Variants in NALCN observed in about 807,000 individuals in gnomAD.
NALCN encodes sodium leak channel, non-selective, also known as sodium leak channel NALCN.
NALCN carries 111 observed loss-of-function variants against 225.3 expected under a neutral mutation model. The observed-to-expected ratio is 0.49, with a 90% confidence interval of 0.42 to 0.58. NALCN has a LOEUF of 0.58. Ranked by LOEUF, NALCN falls within the 20% of genes least tolerant of loss-of-function variation. NALCN has a pLI of 0.00. For synonymous variants in NALCN, 764 were observed against 769.0 expected, an observed-to-expected ratio of 0.99 and a Z score of 0.11; for missense variants, 1,378 against 2,202.4, an observed-to-expected ratio of 0.63 and a Z score of 7.49.
chr13:101,184,851 T>C (rs2139978134), intron 14 of NALCN, among the ~76,000 whole-genome samples: 1 of 152,268 alleles, frequency 6.6e-6, no homozygotes, highest in East Asian at 1.9e-4. Context: ...CCTATATAGC[T>C]TTCCCTTTTC....
intron 18 of NALCN, among the ~76,000 whole-genome samples, chr13:101,113,170 A>G (rs547740978): frequency 6.6e-6 from 1 of 152,230 alleles, no homozygotes. Context: ...TCTAACGAGA[A>G]CATTCTGAAA....
At chr13:101,259,030 T>C (rs1463178495) in intron 10 of NALCN, among the ~76,000 whole-genome samples, 1 of 152,210 alleles carries the variant, frequency 6.6e-6, no homozygotes, top group Admixed American at 6.5e-5. Context: ...CTGAGATTTA[T>C]TTTTTACTTA....
chr13:101,307,407 G>A (rs1018765640), intron 7 of NALCN, among the ~76,000 whole-genome samples: 1 of 152,146 alleles, frequency 6.6e-6, no homozygotes, highest in Non-Finnish European at 1.5e-5. Flanking sequence ...CTGGCAAGTC[G>A]TTCTTATCAC....
intron 15 of NALCN, among the ~76,000 whole-genome samples, chr13:101,173,224 C>T (rs79402280): frequency 0.023 from 3,518 of 152,324 alleles, 56 homozygotes; most frequent in Non-Finnish European, 0.033. Context: ...GTCCTTCATT[C>T]TAACAGTTAC....
intron 30 of NALCN, among the ~76,000 whole-genome samples, chr13:101,088,320 T>C (rs1011250412): frequency 6.6e-6 from 1 of 152,144 alleles, no homozygotes; most frequent in Non-Finnish European, 1.5e-5. Flanking sequence ...TACAGTCCCA[T>C]GTGTAGCAAC....
rs959010968 is a variant in NALCN at position 101,131,345 on chromosome 13, G to T, written c.2119-6664C>A. The stretch of plus-strand genomic sequence containing the variant: ...CTGTTTTTTTCTTATAATAACGTTT[G>T]CAGGGAATTTGGCTTTGATAATTTT... On this transcript the variant is annotated intron_variant, in intron 17 of 43. Coordinates refer to ENST00000251127, the MANE Select transcript of NALCN (RefSeq NM_052867.4). 1.5e-4 allele frequency among the ~76,000 whole-genome samples: 23 copies of T among 152,172 alleles called. 1 individual carries two copies. The highest frequency in any genetic ancestry group is 5.3e-4 in the African/African-American group (22 of 41,526).
chr13:101,114,081 G>T (rs2035580518), intron 18 of NALCN, among the ~76,000 whole-genome samples: 1 of 152,180 alleles, frequency 6.6e-6, no homozygotes, highest in African/African-American at 2.4e-5. Context: ...CAGTGCAGCT[G>T]CTGATGGAAA....
At chr13:101,153,796 A>T (rs2037770861) in intron 15 of NALCN, among the ~76,000 whole-genome samples, 1 of 152,204 alleles carries the variant, frequency 6.6e-6, no homozygotes, top group Non-Finnish European at 1.5e-5. Context: ...CTTTTAGAAC[A>T]TCTAGAAAAG....
At chr13:101,261,068 T>A (rs543137965) in intron 10 of NALCN, among the ~76,000 whole-genome samples, 9 of 152,228 alleles carry the variant, frequency 5.9e-5, no homozygotes, top group African/African-American at 2.2e-4. Context: ...GAGATAGGGG[T>A]TAGTTTCATT....
At chr13:101,322,032 A>G (rs1038341165) in intron 7 of NALCN, among the ~76,000 whole-genome samples, 7 of 152,224 alleles carry the variant, frequency 4.6e-5, no homozygotes, top group African/African-American at 1.7e-4. Flanking sequence ...AAACATGGAA[A>G]AAATAAAATA....
At position 101,258,430 on chromosome 13, in the gene NALCN, G is replaced by A. The variant is rs1216954756; in HGVS notation, c.1266+13C>T. ...TCCTTGCCCAGCGATCTGCACGGTG[G>A]AGAGCTGCTTACCTCCGCCAGGTAG... On this transcript the variant is annotated intron_variant, in intron 11 of 43. Coordinates refer to ENST00000251127, the MANE Select transcript of NALCN (RefSeq NM_052867.4). 1.9e-6 allele frequency: 3 copies of A among 1,613,982 alleles called. No individual in the cohort carries two copies. The highest frequency in any genetic ancestry group is 2.5e-6 in the Non-Finnish European group (3 of 1,179,978).
intron 10 of NALCN, among the ~76,000 whole-genome samples, chr13:101,279,210 CT>C (rs1272248633): frequency 6.6e-6 from 1 of 152,112 alleles, no homozygotes; most frequent in Non-Finnish European, 1.5e-5. Context: ...AGGTACCTGG[CT>C]TATTTTTTGA....
chr13:101,405,572 C>T (rs2139533420), intron 1 of NALCN, among the ~76,000 whole-genome samples: 1 of 152,052 alleles, frequency 6.6e-6, no homozygotes, highest in East Asian at 1.9e-4. Flanking sequence ...TCATCTGTGT[C>T]CTGCATGCTC....
At chr13:101,412,712 T>C (rs750521131) in intron 1 of NALCN, among the ~76,000 whole-genome samples, 11 of 152,216 alleles carry the variant, frequency 7.2e-5, no homozygotes, top group Non-Finnish European at 1.2e-4. Context: ...CCATCTATAC[T>C]GAATCTACCA....
At chr13:101,380,454 A>G (rs1006366862) in intron 3 of NALCN, among the ~76,000 whole-genome samples, 5 of 152,230 alleles carry the variant, frequency 3.3e-5, no homozygotes, top group Non-Finnish European at 7.3e-5. Flanking sequence ...GTTAAAAATT[A>G]GAAACTTTAA....
rs564423014 is a variant in NALCN, at chr13:101,095,954, GCTCAGTA to G, written c.3163-281_3163-275del. ...ATGGCCAAAAAGCACACGACAAGAT[GCTCAGTA>G]TCATGTGCCATCTGCCATCCGGAAA... On this transcript the variant is annotated intron_variant, in intron 27 of 43. Coordinates refer to ENST00000251127, the MANE Select transcript of NALCN (RefSeq NM_052867.4). 2.9e-3 allele frequency among the ~76,000 whole-genome samples: 444 copies of G among 152,242 alleles called. 1 individual carries two copies. The highest frequency in any genetic ancestry group is 9.9e-3 in the African/African-American group (413 of 41,540).
chr13:101,081,720 C>T (rs1200333327), intron 33 of NALCN, 74 bp from the exon 34 acceptor site: 23 of 1,535,802 alleles, frequency 1.5e-5, no homozygotes, highest in Non-Finnish European at 1.9e-5. Flanking sequence ...ACTTGAGATG[C>T]ATTATGTGTA....
intron 6 of NALCN, among the ~76,000 whole-genome samples, chr13:101,354,516 G>C (rs1012933802): frequency 3.9e-5 from 6 of 152,140 alleles, no homozygotes; most frequent in Non-Finnish European, 8.8e-5. Flanking sequence ...TTAGGAACTG[G>C]AAACTACAGG....
At chr13:101,319,242 C>A (rs1466380133) in intron 7 of NALCN, among the ~76,000 whole-genome samples, 3 of 152,162 alleles carry the variant, frequency 2.0e-5, no homozygotes. Flanking sequence ...CTAGTCCTAA[C>A]CTGCTATAGT....
Sources: allele counts gnomAD v4.1 joint callset (sites outside exome capture counted in the v4.1 genomes callset), GRCh38; gene constraint gnomAD v4.1.1; transcripts MANE v1.5; gene names NCBI Gene and HGNC (gene_info 2026-07-23, HGNC 2026-07-21).